The following KCNK2 variants were observed in gnomAD, a reference collection of about 807,000 sequenced individuals.
KCNK2 encodes potassium channel subfamily K member 2.
KCNK2 carries 21 observed loss-of-function variants against 40.5 expected under a neutral mutation model. That is an observed-to-expected ratio of 0.52 (90% confidence interval 0.37 to 0.75). KCNK2 has a LOEUF of 0.75. Ranked by LOEUF, KCNK2 falls within the 30% of genes least tolerant of loss-of-function variation. KCNK2 has a pLI of 0.00. For missense variants in KCNK2, 399 were observed against 531.6 expected, an observed-to-expected ratio of 0.75 and a Z score of 2.45; for synonymous variants, 191 against 202.2, an observed-to-expected ratio of 0.94 and a Z score of 0.47.
intron 1 of KCNK2, among the ~76,000 whole-genome samples, chr1:215,030,964 G>A (rs1657168712): frequency 6.6e-6 from 1 of 152,066 alleles, no homozygotes; most frequent in Non-Finnish European, 1.5e-5. Flanking sequence ...TTTACATGTG[G>A]ATACTCAGTT....
At chr1:215,173,724 T>A (rs1464987762) in intron 5 of KCNK2, among the ~76,000 whole-genome samples, 3 of 152,240 alleles carry the variant, frequency 2.0e-5, no homozygotes, top group African/African-American at 7.2e-5. Flanking sequence ...TGGCCAGTGA[T>A]GATGAGCATT....
chr1:215,027,619 T>A (rs1657043451), intron 1 of KCNK2, among the ~76,000 whole-genome samples: 1 of 152,258 alleles, frequency 6.6e-6, no homozygotes, highest in Admixed American at 6.5e-5. Flanking sequence ...AGCTGGGTTC[T>A]GTTTGTTAAT....
intron 1 of KCNK2, among the ~76,000 whole-genome samples, chr1:215,022,453 A>G (rs1656836721): frequency 8.4e-6 from 1 of 119,252 alleles, no homozygotes; most frequent in African/African-American, 2.6e-5. Context: ...CTCTTGTGAA[A>G]CAAGAGACGT....
At chr1:215,139,308 T>A (rs547295270) in intron 3 of KCNK2, among the ~76,000 whole-genome samples, 5 of 152,306 alleles carry the variant, frequency 3.3e-5, no homozygotes, top group Non-Finnish European at 7.4e-5. Flanking sequence ...GTTATACAAG[T>A]GAAGCTCACT....
At chr1:215,123,405 T>G (rs535261797) in intron 2 of KCNK2, among the ~76,000 whole-genome samples, 1 of 145,016 alleles carries the variant, frequency 6.9e-6, no homozygotes, top group South Asian at 2.1e-4. Context: ...ATTTTCTTAT[T>G]TTTTTTTTTT....
At chr1:215,200,468 T>C (rs1665037579) in intron 6 of KCNK2, among the ~76,000 whole-genome samples, 1 of 152,216 alleles carries the variant, frequency 6.6e-6, no homozygotes, top group Admixed American at 6.5e-5. Flanking sequence ...TTATCATTAT[T>C]TCTTATGGGA....
intron 3 of KCNK2, among the ~76,000 whole-genome samples, chr1:215,126,234 CTT>C: frequency 6.6e-6 from 1 of 152,080 alleles, no homozygotes; most frequent in Non-Finnish European, 1.5e-5. Flanking sequence ...TATAGTGCCT[CTT>C]TGCGCTGGAT....
intron 3 of KCNK2, among the ~76,000 whole-genome samples, chr1:215,131,581 A>G (rs1661684953): frequency 1.3e-5 from 2 of 149,806 alleles, no homozygotes; most frequent in Admixed American, 1.3e-4. Context: ...TTAAAACAAT[A>G]AAATATTCTC....
chr1:215,134,533 CA>C (rs1382265803), intron 3 of KCNK2, among the ~76,000 whole-genome samples: 1 of 152,182 alleles, frequency 6.6e-6, no homozygotes, highest in Admixed American at 6.5e-5. Flanking sequence ...CTCCAAACCC[CA>C]TAGTTCAGAG....
At chr1:215,068,290 T>C (rs774205223) in intron 1 of KCNK2, among the ~76,000 whole-genome samples, 5 of 152,160 alleles carry the variant, frequency 3.3e-5, no homozygotes, top group Middle Eastern at 3.2e-3. Flanking sequence ...AGATAAGACA[T>C]GTGGAGTTAA....
chr1:215,007,644 G>C (rs1656230930), intron 1 of KCNK2, among the ~76,000 whole-genome samples: 1 of 152,054 alleles, frequency 6.6e-6, no homozygotes, highest in Non-Finnish European at 1.5e-5. Flanking sequence ...GCTGCCACAA[G>C]TAGGAAACAA....
chr1:215,139,003 T>G (rs1418862023), intron 3 of KCNK2, among the ~76,000 whole-genome samples: 1 of 152,226 alleles, frequency 6.6e-6, no homozygotes, highest in African/African-American at 2.4e-5. Context: ...ATGGCAACTT[T>G]GGGCATACAA....
At chr1:215,188,505 C>T (rs1664541901) in intron 5 of KCNK2, among the ~76,000 whole-genome samples, 1 of 152,066 alleles carries the variant, frequency 6.6e-6, no homozygotes, top group Admixed American at 6.6e-5. Context: ...GAAATTATGA[C>T]TCATTCAGTG....
At chr1:215,224,537 A>T (rs1229099602) in intron 6 of KCNK2, among the ~76,000 whole-genome samples, 1 of 152,120 alleles carries the variant, frequency 6.6e-6, no homozygotes, top group African/African-American at 2.4e-5. Context: ...AAGACCACTT[A>T]AAAAATGCAA....
intron 3 of KCNK2, among the ~76,000 whole-genome samples, chr1:215,163,913 T>C (rs913907741): frequency 3.3e-5 from 5 of 152,138 alleles, no homozygotes; most frequent in African/African-American, 1.2e-4. Context: ...AGGTTTTGTA[T>C]CAGGATGATG....
chr1:215,013,981 G>T (rs1321483911), intron 1 of KCNK2, among the ~76,000 whole-genome samples: 3 of 152,070 alleles, frequency 2.0e-5, no homozygotes, highest in Non-Finnish European at 4.4e-5. Context: ...AAACGTCTTT[G>T]TGTTTTTCCT....
chr1:215,108,089 G>A lies in KCNK2; in HGVS notation c.358-16544G>A, dbSNP rs187656748. ...GCACACAGCCTATTATAGATCCCTC[G>A]CATGTACACTTTACAATAGGGTTTG... is the stretch of plus-strand genomic sequence containing the variant. On this transcript the variant is annotated intron_variant, in intron 2 of 6. Coordinates refer to ENST00000444842, the MANE Select transcript of KCNK2 (RefSeq NM_001017425.3). 3.3e-5 allele frequency among the ~76,000 whole-genome samples: 5 copies of A among 152,044 alleles called. No individual in the cohort carries two copies. The East Asian group carries it at 7.8e-4, about 24-fold the overall frequency.
intron 5 of KCNK2, among the ~76,000 whole-genome samples, chr1:215,191,577 G>A (rs1045423615): frequency 1.3e-5 from 2 of 152,100 alleles, no homozygotes; most frequent in Admixed American, 6.6e-5. Context: ...TCCGGAGAGA[G>A]ATTACACCAT....
intron 5 of KCNK2, among the ~76,000 whole-genome samples, chr1:215,192,040 C>T (rs17024390): frequency 0.01 from 1,538 of 152,276 alleles, 34 homozygotes; most frequent in African/African-American, 0.035. Flanking sequence ...GAAATTAATG[C>T]TTGTAAAAGT....
Sources: allele counts gnomAD v4.1 joint callset (sites outside exome capture counted in the v4.1 genomes callset), GRCh38; gene constraint gnomAD v4.1.1; transcripts MANE v1.5; gene names NCBI Gene and HGNC (gene_info 2026-07-23, HGNC 2026-07-21).